WASL: variants seen among roughly 807,000 people sequenced by gnomAD.
WASL encodes actin nucleation-promoting factor WASL.
A neutral mutation model predicts 55.5 loss-of-function variants in WASL; 20 were observed. That is an observed-to-expected ratio of 0.36 (90% confidence interval 0.25 to 0.52). The LOEUF is 0.52. WASL is among the 20% of genes least tolerant of loss of function. The pLI is 0.92. For synonymous variants in WASL, 249 were observed against 217.6 expected (o/e 1.14, Z -1.27); for missense variants, 504 against 622.5 (o/e 0.81, Z 2.03).
At chr7:123,747,096 T>C (rs1043498328) in intron 1 of WASL, among the ~76,000 whole-genome samples, 3 of 152,278 alleles carry the variant, frequency 2.0e-5, no homozygotes, top group Admixed American at 2.0e-4. Flanking sequence ...ACACCACTTT[T>C]AGAAATAAAT....
chr7:123,728,584 G>C (rs1295768216), intron 1 of WASL, among the ~76,000 whole-genome samples: 2 of 152,166 alleles, frequency 1.3e-5, no homozygotes, highest in Non-Finnish European at 2.9e-5. Flanking sequence ...GCTCACACCT[G>C]TGATCCCAGC....
chr7:123,748,820 G>C lies in WASL; in HGVS notation c.-86C>G, dbSNP rs1030438659. ...GTTCCCCCTCTCGGTGACAGGGGCG[G>C]GGAGAAGTGGAGTCAGAGGCGCCAC... On this transcript the variant is annotated 5_prime_UTR_variant, in exon 1 of 11. Transcript: ENST00000223023. 12 of 1,184,350 alleles carry C rather than the reference G, an allele frequency of 1.0e-5. No homozygotes were observed. Among genetic ancestry groups the C allele is most frequent in the Non-Finnish European group, 1.4e-5 (12 of 862,770 alleles). The allele number at this position is 1,184,350 out of a possible 1,614,324, so 73.4% of individuals were successfully genotyped here.
intron 1 of WASL, among the ~76,000 whole-genome samples, chr7:123,716,601 AAGAG>A (rs1004227764): frequency 1.3e-5 from 2 of 152,042 alleles, no homozygotes; most frequent in Admixed American, 6.6e-5. Flanking sequence ...GGGGAAAAAA[AAGAG>A]AGGGAGGGAG....
chr7:123,713,172 A>AG (rs1387403064), intron 1 of WASL, among the ~76,000 whole-genome samples: 1 of 152,124 alleles, frequency 6.6e-6, no homozygotes, highest in Non-Finnish European at 1.5e-5. Flanking sequence ...TTTTGAGACA[A>AG]GGTCTTGCTC....
chr7:123,688,007 T>A (rs1478248927), intron 10 of WASL, among the ~76,000 whole-genome samples: 1 of 152,174 alleles, frequency 6.6e-6, no homozygotes, highest in Non-Finnish European at 1.5e-5. Context: ...GTTCTCTGAA[T>A]GTAACAAACA....
chr7:123,685,127 T>G (rs1292879869), intron 10 of WASL, among the ~76,000 whole-genome samples: 1 of 151,838 alleles, frequency 6.6e-6, no homozygotes, highest in East Asian at 1.9e-4. Context: ...CACCATCACA[T>G]CCTGCTTGGA....
chr7:123,696,857 ATTAT>A (rs1803501564), intron 5 of WASL, 110 bp from the exon 6 acceptor site: 1 of 752,156 alleles, frequency 1.3e-6, no homozygotes, highest in Admixed American at 4.3e-5. Context: ...TTCATTATAA[ATTAT>A]TTATATTTTA....
intron 1 of WASL, among the ~76,000 whole-genome samples, chr7:123,733,912 CCAA>C (rs1562965833): frequency 1.9e-5 from 1 of 52,484 alleles, no homozygotes; most frequent in Non-Finnish European, 3.5e-5. Context: ...CATCCACGTG[CCAA>C]AAAAAAAAAA....
At chr7:123,719,921 G>C (rs1276501324) in intron 1 of WASL, among the ~76,000 whole-genome samples, 1 of 152,064 alleles carries the variant, frequency 6.6e-6, no homozygotes, top group Non-Finnish European at 1.5e-5. Context: ...CTGTGACAAA[G>C]GCCTATCCAT....
chr7:123,687,853 C>CA (rs1354320405), intron 10 of WASL, among the ~76,000 whole-genome samples: 2 of 151,862 alleles, frequency 1.3e-5, no homozygotes, highest in Non-Finnish European at 2.9e-5. Flanking sequence ...TTAAGGAAAA[C>CA]AAACATTGCT....
intron 9 of WASL, among the ~76,000 whole-genome samples, chr7:123,690,351 G>A (rs187944691): frequency 6.6e-6 from 1 of 152,146 alleles, no homozygotes; most frequent in African/African-American, 2.4e-5. Context: ...TTTAAAGTAA[G>A]TCTATGGTTT....
intron 6 of WASL, among the ~76,000 whole-genome samples, chr7:123,696,187 T>C (rs1803488983): frequency 1.3e-5 from 2 of 152,038 alleles, no homozygotes; most frequent in African/African-American, 4.8e-5. Flanking sequence ...GCTAATAAAA[T>C]AATGCATATG....
At chr7:123,742,673 T>A (rs997939855) in intron 1 of WASL, among the ~76,000 whole-genome samples, 6 of 152,194 alleles carry the variant, frequency 3.9e-5, no homozygotes, top group Non-Finnish European at 7.3e-5. Context: ...AAAAATACAT[T>A]ATAATTACAA....
Position 123,689,082 on chromosome 7 carries a change from C to G in WASL, c.1416G>C (p.Met472Ile), listed in dbSNP as rs150382135. Reference sequence around the variant, plus strand: ...CTTTGCTCCTTTTCTGCATCACTTCCATTAATGCACCCACAATTCCTGAAG... The same window carrying G: ...CTTTGCTCCTTTTCTGCATCACTTCGATTAATGCACCCACAATTCCTGAAG... ...APTSGIVGAL[M>I]EVMQKRSKAI... The change falls in exon 10 of 11, where the codon ATG (methionine) becomes ATC (isoleucine). Residue 472 changes from methionine to isoleucine, a missense_variant. Around this residue, in one of 5 missense-constraint regions of WASL, gnomAD observed 53 missense variants for 69.1 expected, o/e 0.77. Coordinates refer to ENST00000223023, the MANE Select transcript of WASL (RefSeq NM_003941.4). 4.3e-6 allele frequency: 7 copies of G among 1,612,796 alleles called. No homozygotes were observed. Among genetic ancestry groups the G allele is most frequent in the Non-Finnish European group, 5.9e-6 (7 of 1,179,582 alleles).
intron 1 of WASL, among the ~76,000 whole-genome samples, chr7:123,748,361 G>C (rs1337960913): frequency 1.3e-5 from 2 of 152,092 alleles, no homozygotes; most frequent in Non-Finnish European, 2.9e-5. Context: ...GCCGAGGCCC[G>C]GCCAGGCTGG....
chr7:123,699,989 A>C (rs1803553268), intron 5 of WASL, among the ~76,000 whole-genome samples: 1 of 152,066 alleles, frequency 6.6e-6, no homozygotes, highest in African/African-American at 2.4e-5. Context: ...ATCCTGGCTA[A>C]CACGGTGAAA....
chr7:123,699,660 T>C (rs1803547025), intron 5 of WASL, among the ~76,000 whole-genome samples: 1 of 152,168 alleles, frequency 6.6e-6, no homozygotes. Flanking sequence ...TTGATTTATA[T>C]AACTCACTAG....
At chr7:123,684,709 TAA>T in intron 10 of WASL, 129 bp from the exon 11 acceptor site, 2 of 825,848 alleles carry the variant, frequency 2.4e-6, no homozygotes, top group Non-Finnish European at 3.3e-6. Flanking sequence ...ATCTAGTTAC[TAA>T]AACAGTTTAA....
At chr7:123,706,700 G>GA (rs1165780094) in intron 3 of WASL, 40 bp downstream of exon 3, 1 of 1,388,638 alleles carries the variant, frequency 7.2e-7, no homozygotes, top group Non-Finnish European at 9.9e-7. Context: ...GGCAAGCAAT[G>GA]AAAAAAGTAA....
Sources: gnomAD v4.1 joint callset for allele counts (sites outside exome capture counted in the v4.1 genomes callset) on GRCh38, gnomAD v4.1.1 for gene constraint, gnomAD v4.1.1 regional missense constraint, MANE v1.5 for transcripts, NCBI Gene and HGNC (gene_info 2026-07-23, HGNC 2026-07-21) for gene names.